The following EIF3E variants were observed in gnomAD, a reference collection of about 807,000 sequenced individuals.
The protein encoded by EIF3E is eukaryotic translation initiation factor 3 subunit E, also known as eIF-3 p48.
Under a neutral mutation model 59.3 loss-of-function variants are expected in EIF3E, and 25 were observed. The ratio of observed to expected loss-of-function variants is 0.42; its 90% CI spans 0.31 to 0.59. The LOEUF is 0.59. Among genes scored for constraint, EIF3E ranks in the 20% least tolerant of loss-of-function variants. The pLI, the probability that EIF3E is intolerant of heterozygous loss-of-function variation, is 0.15. For missense variants in EIF3E, 317 were observed against 534.3 expected, an observed-to-expected ratio of 0.59 and a Z score of 4.01; for synonymous variants, 176 against 170.2, an observed-to-expected ratio of 1.03 and a Z score of -0.26.
Position 108,236,219 on chromosome 8 carries a change from C to G in EIF3E, c.324-16G>C, listed in dbSNP as rs550733278. 1.9e-6 allele frequency: 3 copies of G among 1,602,530 alleles called. No homozygotes were observed. The highest frequency in any genetic ancestry group is 2.6e-6 in the Non-Finnish European group (3 of 1,173,634). On this transcript the variant is annotated splice_polypyrimidine_tract_variant and intron_variant, in intron 3 of 12. Coordinates refer to ENST00000220849, the MANE Select transcript of EIF3E (RefSeq NM_001568.3). ...CCTACCATCCCTAAATAATAAAAAA[C>G]AAAAATTACATTATTTTAAAGGCCA...
intron 10 of EIF3E, among the ~76,000 whole-genome samples, chr8:108,212,132 T>G (rs1206942377): frequency 6.6e-6 from 1 of 152,216 alleles, no homozygotes; most frequent in African/African-American, 2.4e-5. Context: ...GTCAGTGTTT[T>G]GTAAAACTGT....
chr8:108,238,460 TAC>T, intron 3 of EIF3E, among the ~76,000 whole-genome samples: 1 of 152,372 alleles, frequency 6.6e-6, no homozygotes, highest in East Asian at 1.9e-4. Context: ...CTAGATTACT[TAC>T]ACTTAATGCA....
At chr8:108,228,813 GAAA>G (rs1186807052) in intron 6 of EIF3E, among the ~76,000 whole-genome samples, 2 of 151,862 alleles carry the variant, frequency 1.3e-5, no homozygotes, top group African/African-American at 4.8e-5. Context: ...GACTGGCATA[GAAA>G]AAAAGGGCAC....
chr8:108,202,971 T>C lies in EIF3E; in HGVS notation c.1299+12A>G, dbSNP rs746383514. Reference sequence around the variant, plus strand: ...TAAACCCCAGACAGAATAGAAGATGTGTGGTTCTTACCTCTGACCTGCTAT... The same window carrying C: ...TAAACCCCAGACAGAATAGAAGATGCGTGGTTCTTACCTCTGACCTGCTAT... On this transcript the variant is annotated intron_variant, in intron 12 of 12. Coordinates refer to ENST00000220849, the MANE Select transcript of EIF3E (RefSeq NM_001568.3). 6.2e-7 allele frequency: 1 copy of C among 1,608,832 alleles called. No individual in the cohort carries two copies. Among genetic ancestry groups the C allele is most frequent in the East Asian group, 2.2e-5 (1 of 44,760 alleles).
intron 1 of EIF3E, chr8:108,242,129 A>G: frequency 7.0e-7 from 1 of 1,433,214 alleles, no homozygotes; most frequent in Non-Finnish European, 9.2e-7. Flanking sequence ...TTTTAAAATG[A>G]AGAGAATTAC....
At position 108,237,670 on chromosome 8, in the gene EIF3E, A is replaced by G. The variant is rs76185180; in HGVS notation, c.324-1467T>C. Among the ~76,000 whole-genome samples, 879 of 152,352 alleles carry G rather than the reference A, an allele frequency of 5.8e-3. 12 individuals carry two copies. The highest frequency in any genetic ancestry group is 0.02 in the African/African-American group (849 of 41,588). ...AATGGAGCAGAGATATGTCCCCATAAAAATTAATATAGGTGTATTACAATA... is the reference window on the plus strand; with the variant it reads ...AATGGAGCAGAGATATGTCCCCATAGAAATTAATATAGGTGTATTACAATA... On this transcript the variant is annotated intron_variant, in intron 3 of 12. Coordinates refer to ENST00000220849, the MANE Select transcript of EIF3E (RefSeq NM_001568.3).
chr8:108,203,189 A>G, intron 11 of EIF3E, 72 bp from the exon 12 acceptor site: 4 of 1,546,086 alleles, frequency 2.6e-6, no homozygotes, highest in Non-Finnish European at 3.5e-6. Context: ...AAAAAGCATG[A>G]CATACCTTTG....
At chr8:108,206,794 T>G (rs1003468057) in intron 10 of EIF3E, among the ~76,000 whole-genome samples, 6 of 152,020 alleles carry the variant, frequency 3.9e-5, no homozygotes, top group Admixed American at 3.3e-4. Context: ...CAGAACAAGA[T>G]CCTGTGTCTT....
chr8:108,211,457 A>C (rs564582064), intron 10 of EIF3E, among the ~76,000 whole-genome samples: 1 of 151,774 alleles, frequency 6.6e-6, no homozygotes, highest in Non-Finnish European at 1.5e-5. Flanking sequence ...TTTTTCTTGT[A>C]AATTTGTTTA....
At chr8:108,247,681 C>T (rs888814076) in intron 1 of EIF3E, among the ~76,000 whole-genome samples, 3 of 152,126 alleles carry the variant, frequency 2.0e-5, no homozygotes, top group Non-Finnish European at 4.4e-5. Flanking sequence ...TCTAGAGTTC[C>T]CTAAGTAGAC....
intron 3 of EIF3E, among the ~76,000 whole-genome samples, chr8:108,236,493 A>C (rs1815731591): frequency 6.6e-6 from 1 of 152,118 alleles, no homozygotes; most frequent in African/African-American, 2.4e-5. Flanking sequence ...AGACAATAAA[A>C]CCAGAAGATT....
At chr8:108,248,566 C>A (rs1174896923) in intron 1 of EIF3E, 47 bp downstream of exon 1, 1 of 1,597,014 alleles carries the variant, frequency 6.3e-7, no homozygotes, top group South Asian at 1.1e-5. Context: ...CCTTGCTCAG[C>A]ACCTCATCCG....
intron 10 of EIF3E, among the ~76,000 whole-genome samples, chr8:108,205,646 A>T (rs1174778145): frequency 6.6e-6 from 1 of 152,198 alleles, no homozygotes; most frequent in African/African-American, 2.4e-5. Context: ...GTATTGTCCT[A>T]CTGTCTCACC....
At chr8:108,241,096 T>C (rs1175638570) in intron 2 of EIF3E, among the ~76,000 whole-genome samples, 1 of 152,234 alleles carries the variant, frequency 6.6e-6, no homozygotes, top group Non-Finnish European at 1.5e-5. Context: ...TTATGTTTAA[T>C]GTAATAATGT....
intron 5 of EIF3E, 143 bp downstream of exon 5, chr8:108,234,855 T>C (rs1815695248): frequency 2.3e-6 from 1 of 440,352 alleles, no homozygotes; most frequent in African/African-American, 2.0e-5. Flanking sequence ...TGGGAGGGTT[T>C]TCTTTACTTT....
At chr8:108,213,385 ATATTAGG>A (rs1815246219) in intron 10 of EIF3E, among the ~76,000 whole-genome samples, 1 of 152,214 alleles carries the variant, frequency 6.6e-6, no homozygotes, top group Non-Finnish European at 1.5e-5. Flanking sequence ...TGTACAAAGC[ATATTAGG>A]TGCTACAAAG....
intron 1 of EIF3E, 27 bp downstream of exon 1, chr8:108,248,586 C>T: frequency 2.5e-6 from 4 of 1,612,448 alleles, no homozygotes; most frequent in Non-Finnish European, 3.4e-6. Context: ...GCCCCCACGC[C>T]TTCCTTGCGC....
intron 6 of EIF3E, 41 bp from the exon 7 acceptor site, chr8:108,228,432 A>G (rs373610311): frequency 1.5e-6 from 2 of 1,367,758 alleles, no homozygotes; most frequent in Admixed American, 3.0e-5. Flanking sequence ...ATATTAATAT[A>G]TAAGAAAGAG....
At chr8:108,241,592 T>C (rs1429241607) in intron 2 of EIF3E, among the ~76,000 whole-genome samples, 2 of 152,222 alleles carry the variant, frequency 1.3e-5, no homozygotes, top group Admixed American at 6.5e-5. Flanking sequence ...CTGATGACCA[T>C]ATTTTAAAGT....
Sources: gnomAD v4.1 joint callset for allele counts (sites outside exome capture counted in the v4.1 genomes callset) on GRCh38, gnomAD v4.1.1 for gene constraint, MANE v1.5 for transcripts, NCBI Gene and HGNC (gene_info 2026-07-23, HGNC 2026-07-21) for gene names.